The following PRPF4 variants were observed in gnomAD, a reference collection of about 807,000 sequenced individuals.
PRPF4 encodes pre-mRNA splicing tri-snRNP complex factor PRPF4.
PRPF4 carries 14 observed loss-of-function variants against 72.2 expected under a neutral mutation model. The observed-to-expected ratio is 0.19, with a 90% confidence interval of 0.13 to 0.30. PRPF4 has a LOEUF of 0.30. PRPF4 is among the 10% of genes least tolerant of loss of function. The probability of loss-of-function intolerance (pLI) is 1.00; values close to 1 mark genes in which losing one functional copy is unlikely to be tolerated. For synonymous variants in PRPF4, 225 were observed against 232.2 expected (o/e 0.97, Z 0.28); for missense variants, 478 against 653.9 (o/e 0.73, Z 2.93).
rs116096071 is a variant in PRPF4 at position 113,282,335 on chromosome 9, G to T, written c.393-311G>T. 5.1e-3 allele frequency among the ~76,000 whole-genome samples: 775 copies of T among 152,216 alleles called. 8 individuals carry two copies. Among genetic ancestry groups the T allele is most frequent in the African/African-American group, 0.018 (731 of 41,518 alleles). Reference sequence around the variant, plus strand: ...AGAAAAATTTAAAAATTAGCCAGTTGTAGCAGTGTACATGTAGTCCCAGCC... The same window carrying T: ...AGAAAAATTTAAAAATTAGCCAGTTTTAGCAGTGTACATGTAGTCCCAGCC... On this transcript the variant is annotated intron_variant, in intron 3 of 13. Transcript: ENST00000374198.
At chr9:113,280,082 T>G (rs1832230135) in intron 3 of PRPF4, among the ~76,000 whole-genome samples, 1 of 152,140 alleles carries the variant, frequency 6.6e-6, no homozygotes, top group South Asian at 2.1e-4. Flanking sequence ...GACCAACCCC[T>G]ACCACATTAA....
At chr9:113,277,034 C>T (rs1165118129) in intron 2 of PRPF4, among the ~76,000 whole-genome samples, 1 of 152,012 alleles carries the variant, frequency 6.6e-6, no homozygotes, top group East Asian at 1.9e-4. Flanking sequence ...TGGCTGGTCT[C>T]AAACTCCTGA....
intron 2 of PRPF4, among the ~76,000 whole-genome samples, chr9:113,277,005 G>A (rs1239000632): frequency 2.0e-5 from 3 of 151,792 alleles, no homozygotes; most frequent in South Asian, 2.1e-4. Flanking sequence ...AGTAGATATG[G>A]GGTTTCACCA....
intron 3 of PRPF4, 106 bp from the exon 4 acceptor site, chr9:113,282,540 T>C: frequency 2.4e-6 from 2 of 837,492 alleles, no homozygotes; most frequent in South Asian, 1.9e-5. Flanking sequence ...GCTCCCATCT[T>C]AGGGGAACTT....
At chr9:113,290,398 A>G in intron 10 of PRPF4, 68 bp from the exon 11 acceptor site, 1 of 1,604,420 alleles carries the variant, frequency 6.2e-7, no homozygotes, top group South Asian at 1.1e-5. Context: ...AATGGCTTAG[A>G]ATACTTTATG....
chr9:113,284,260 A>G (rs199986869), intron 6 of PRPF4, 35 bp from the exon 7 acceptor site: 139 of 1,467,206 alleles, frequency 9.5e-5, no homozygotes, highest in Non-Finnish European at 1.3e-4. Context: ...TAACCTATTA[A>G]TGATCACCGT....
At position 113,286,748 on chromosome 9, in the gene PRPF4, C is replaced by T. The variant is rs1172438059; in HGVS notation, c.852C>T (p.Ser284=). 2 of 1,614,134 alleles carry T rather than the reference C, an allele frequency of 1.2e-6. No homozygotes were observed. The highest frequency in any genetic ancestry group is 1.7e-6 in the Non-Finnish European group (2 of 1,180,018). The stretch of plus-strand genomic sequence containing the variant: ...GAGCAATTGTATTCCATCCCAAATC[C>T]ACTGTCTCCTTGGACCCAAAAGATG... ...NVGAIVFHPK[S]TVSLDPKDVN... is the part of the protein sequence containing the mutation. The change falls in exon 9 of 14, where the codon TCC becomes TCT. Residue 284 remains serine (S), a synonymous_variant. Transcript: ENST00000374198.
intron 12 of PRPF4, 26 bp from the exon 13 acceptor site, chr9:113,290,872 A>T: frequency 1.2e-6 from 2 of 1,612,788 alleles, no homozygotes; most frequent in Non-Finnish European, 1.7e-6. Context: ...TCTATTTCTA[A>T]CTTCAATACT....
At chr9:113,277,805 C>A (rs932905412) in intron 2 of PRPF4, among the ~76,000 whole-genome samples, 1 of 152,106 alleles carries the variant, frequency 6.6e-6, no homozygotes, top group African/African-American at 2.4e-5. Flanking sequence ...AATCCAAGAC[C>A]AGCCTGGGCA....
chr9:113,289,797 G>A (rs1451680721), intron 10 of PRPF4, among the ~76,000 whole-genome samples: 4 of 152,092 alleles, frequency 2.6e-5, no homozygotes, highest in African/African-American at 7.2e-5. Context: ...AGTGATTTTT[G>A]TATCCCCAAC....
intron 12 of PRPF4, 42 bp from the exon 13 acceptor site, chr9:113,290,856 A>C: frequency 6.2e-7 from 1 of 1,610,780 alleles, no homozygotes; most frequent in Non-Finnish European, 8.5e-7. Context: ...CTGGGTCAGT[A>C]AGTACTCTAT....
chr9:113,290,440 T>C (rs371484176), intron 10 of PRPF4, 26 bp from the exon 11 acceptor site: 80 of 1,613,818 alleles, frequency 5.0e-5, no homozygotes, highest in Non-Finnish European at 6.4e-5. Flanking sequence ...ATCAGCTGGT[T>C]GATTGTTAGT....
At chr9:113,288,362 C>A in intron 10 of PRPF4, 98 bp downstream of exon 10, 2 of 1,114,614 alleles carry the variant, frequency 1.8e-6, no homozygotes, top group Non-Finnish European at 2.6e-6. Context: ...CAGAGATCTT[C>A]AGGTAGGATT....
Position 113,285,615 on chromosome 9 carries a change from T to G in PRPF4, c.750-617T>G, listed in dbSNP as rs551966452. Among the ~76,000 whole-genome samples, 3 of 151,812 alleles carry G rather than the reference T, an allele frequency of 2.0e-5. No homozygotes were observed. The East Asian group carries it at 5.8e-4, about 30-fold the overall frequency. ...GGATGGGCTCGATCTCCTGACCTTG[T>G]GATCTGCCCGCCTTGGCCTCCCAAA... On this transcript the variant is annotated intron_variant, in intron 7 of 13. Transcript: ENST00000374198.
chr9:113,288,023 C>G, intron 9 of PRPF4, 152 bp from the exon 10 acceptor site: 1 of 610,034 alleles, frequency 1.6e-6, no homozygotes, highest in South Asian at 2.2e-5. Context: ...TGCAGAATGA[C>G]TATTTTGCTT....
intron 7 of PRPF4, among the ~76,000 whole-genome samples, chr9:113,285,151 G>T (rs112459530): frequency 6.6e-6 from 1 of 151,322 alleles, no homozygotes; most frequent in African/African-American, 2.4e-5. Context: ...AAGATCATCC[G>T]AGATAATAGA....
At chr9:113,288,025 A>G in intron 9 of PRPF4, 150 bp from the exon 10 acceptor site, 2 of 617,734 alleles carry the variant, frequency 3.2e-6, no homozygotes, top group Non-Finnish European at 2.8e-6. Context: ...CAGAATGACT[A>G]TTTTGCTTAT....
chr9:113,286,594 A>G (rs4979232), intron 8 of PRPF4, 111 bp from the exon 9 acceptor site: 365,893 of 1,297,468 alleles, frequency 0.28, 54,572 homozygotes, highest in East Asian at 0.39. Flanking sequence ...TTCATGTTTT[A>G]ATAGTTGAAT....
Position 113,275,688 on chromosome 9 carries a change from C to G in PRPF4, c.-56C>G, listed in dbSNP as rs886347703. 3 of 1,573,150 alleles carry G rather than the reference C, an allele frequency of 1.9e-6. No individual in the cohort carries two copies. Among genetic ancestry groups the G allele is most frequent in the Non-Finnish European group, 2.6e-6 (3 of 1,159,114 alleles). ...TCCCCTCTGCTGGGCGCGCGGTGGACGGTCTGAAAGGGAGTGTTCGGGTTT... is the reference window on the plus strand; with the variant it reads ...TCCCCTCTGCTGGGCGCGCGGTGGAGGGTCTGAAAGGGAGTGTTCGGGTTT... On this transcript the variant is annotated 5_prime_UTR_variant, in exon 1 of 14. Transcript: ENST00000374198.
Sources: allele counts gnomAD v4.1 joint callset (sites outside exome capture counted in the v4.1 genomes callset), GRCh38; gene constraint gnomAD v4.1.1; transcripts MANE v1.5; gene names NCBI Gene and HGNC (gene_info 2026-07-23, HGNC 2026-07-21).